FREM1: variants seen among roughly 807,000 people sequenced by gnomAD.
The protein encoded by FREM1 is FRAS1 related extracellular matrix 1, also known as FRAS1-related extracellular matrix protein 1.
In FREM1, 220 loss-of-function variants were observed where a neutral mutation model predicts 210.1. The ratio of observed to expected loss-of-function variants is 1.05; its 90% confidence interval spans 0.94 to 1.17. The LOEUF (loss-of-function observed/expected upper bound fraction) is 1.17. FREM1 is among the 50% of genes most tolerant of loss of function. The pLI is 0.00. For synonymous variants in FREM1, 1,189 were observed against 980.2 expected, an observed-to-expected ratio of 1.21 and a Z score of -3.98; for missense variants, 3,454 against 2,675.5, an observed-to-expected ratio of 1.29 and a Z score of -6.42.
In FREM1 at chr9:14,740,145, T is replaced by C. The variant is rs2131868012; in HGVS notation, c.6340+4A>G. 1.2e-6 allele frequency: 2 copies of C among 1,606,290 alleles called. No individual in the cohort carries two copies. Among genetic ancestry groups the C allele is most frequent in the Non-Finnish European group, 1.7e-6 (2 of 1,173,632 alleles). On this transcript the variant is annotated splice_donor_region_variant and intron_variant, in intron 36 of 36. Transcript: ENST00000380880. ...TCAGTGCAGCCTCCCTCCCAGATAC[T>C]TGCCTATCCAAAAGGACTTTCTCCC...
rs771969537 is a variant in FREM1, at chr9:14,842,536, G to A, written c.1518C>T (p.Ile506=). 7 of 1,613,998 alleles carry A rather than the reference G, an allele frequency of 4.3e-6. No homozygotes were observed. The Admixed American group carries it at 1.2e-4, about 27-fold the overall frequency. Residue 506 remains isoleucine, a synonymous_variant, in exon 9 of 37, where the codon ATC becomes ATT. Transcript: ENST00000380880. ...VFRIFDGHHS[I]RHKFPINVLP... ...AGACGTTGATGGGGAATTTGTGACG[G>A]ATGCTGTGATGGCCATCAAATATCC... is the stretch of plus-strand genomic sequence containing the variant.
rs1852659539 is a variant in FREM1, at chr9:14,797,529, G to C, written c.3808C>G (p.Pro1270Ala). Residue 1270 changes from proline (P) to alanine (A), a missense_variant, in exon 21 of 37, where the codon CCA (proline) becomes GCA (alanine). Pro to Ala is a conservative substitution (Grantham distance 27). Coordinates refer to ENST00000380880, the MANE Select transcript of FREM1 (RefSeq NM_001379081.2). ...AGCATTGGTTTTTCATCATTAACTGGGATGACCTCTACTGAAATGGTTTTA... is the reference window on the plus strand; with the variant it reads ...AGCATTGGTTTTTCATCATTAACTGCGATGACCTCTACTGAAATGGTTTTA... Reference protein sequence around the residue: ...ILKTISVEVIPVNDEKPMLSK... With the variant: ...ILKTISVEVIAVNDEKPMLSK... 1 of 1,610,344 alleles carries C rather than the reference G, an allele frequency of 6.2e-7. No individual in the cohort carries two copies. The highest frequency in any genetic ancestry group is 8.5e-7 in the Non-Finnish European group (1 of 1,178,026).
chr9:14,795,697 C>A (rs1852243955), intron 21 of FREM1, among the ~76,000 whole-genome samples: 2 of 152,080 alleles, frequency 1.3e-5, no homozygotes, highest in Admixed American at 1.3e-4. Context: ...TGAGTGGGTG[C>A]CTAGTGTAAG....
intron 20 of FREM1, among the ~76,000 whole-genome samples, chr9:14,800,310 G>A (rs1301088544): frequency 6.6e-6 from 1 of 152,126 alleles, no homozygotes; most frequent in African/African-American, 2.4e-5. Context: ...GGAGGGGGAA[G>A]GACCTTACAG....
At chr9:14,808,600 T>G (rs1458326689) in intron 16 of FREM1, among the ~76,000 whole-genome samples, 1 of 152,218 alleles carries the variant, frequency 6.6e-6, no homozygotes, top group East Asian at 1.9e-4. Flanking sequence ...GAAACGAGGA[T>G]GTTGAATAGG....
At chr9:14,784,282 G>T in intron 24 of FREM1, 88 bp downstream of exon 24, 2 of 1,175,916 alleles carry the variant, frequency 1.7e-6, no homozygotes, top group Non-Finnish European at 1.2e-6. Context: ...TTTGTGAAAT[G>T]GTTACTATAG....
chr9:14,904,566 T>C (rs1817357414), intron 1 of FREM1, among the ~76,000 whole-genome samples: 1 of 152,008 alleles, frequency 6.6e-6, no homozygotes, highest in East Asian at 1.9e-4. Flanking sequence ...TGTCTTCAGA[T>C]GTTTGAAGGG....
At chr9:14,867,041 G>A (rs898929558) in intron 2 of FREM1, among the ~76,000 whole-genome samples, 3 of 152,012 alleles carry the variant, frequency 2.0e-5, no homozygotes, top group Non-Finnish European at 2.9e-5. Context: ...TGTATTTTTA[G>A]TAGAGATGGA....
Position 14,759,881 on chromosome 9 carries a change from T to C in FREM1, c.5225A>G (p.His1742Arg), listed in dbSNP as rs778095368. Residue 1742 changes from histidine (H) to arginine (R), a missense_variant, in exon 28 of 37, where the codon CAT becomes CGT. Coordinates refer to ENST00000380880, the MANE Select transcript of FREM1 (RefSeq NM_001379081.2). ...ATATTCGGTCTGTGACCATTCAATA[T>C]GAGACCACTTCAGTTCCAAACTGTG... ...TPQILELKWS[H>R]IEWSQTEYEV... 3 of 1,611,682 alleles carry C rather than the reference T, an allele frequency of 1.9e-6. 1 individual carries two copies. In the South Asian group the frequency reaches 3.3e-5, roughly 18 times the overall value.
In FREM1 at chr9:14,816,649, C is replaced by T. The variant is rs1466735272; in HGVS notation, c.2640+129G>A. 4 of 445,528 alleles carry T rather than the reference C, an allele frequency of 9.0e-6. No homozygotes were observed. In the Admixed American group the frequency reaches 1.2e-4, roughly 14 times the overall value. The allele number at this position is 445,528 out of a possible 1,614,324, so 27.6% of individuals were successfully genotyped here. A position where few individuals can be genotyped will look rare whatever the true frequency, so the allele number is the denominator to read the frequency against. On this transcript the variant is annotated intron_variant, in intron 15 of 36. Coordinates refer to ENST00000380880, the MANE Select transcript of FREM1 (RefSeq NM_001379081.2). ...CTGGATGCAGCTACCCAATCTTAGA[C>T]TTCCCAGCCTCCAGAGTCATGAGCC... is the stretch of plus-strand genomic sequence containing the variant.
At chr9:14,898,530 T>G (rs1436753995) in intron 1 of FREM1, among the ~76,000 whole-genome samples, 1 of 152,084 alleles carries the variant, frequency 6.6e-6, no homozygotes, top group African/African-American at 2.4e-5. Flanking sequence ...TCACTTGAGG[T>G]CAGGAGTTCG....
intron 14 of FREM1, among the ~76,000 whole-genome samples, chr9:14,817,953 C>T (rs1189750967): frequency 6.6e-6 from 1 of 152,146 alleles, no homozygotes; most frequent in Admixed American, 6.6e-5. Flanking sequence ...CTAAAAGGAT[C>T]AAATGGCCCT....
intron 22 of FREM1, chr9:14,791,133 A>C (rs902088859): frequency 3.2e-4 from 48 of 152,314 alleles, no homozygotes; most frequent in African/African-American, 1.1e-3. Flanking sequence ...CTACCATTGA[A>C]ATAAACATTT....
intron 1 of FREM1, among the ~76,000 whole-genome samples, chr9:14,873,463 G>A (rs1203477351): frequency 6.6e-6 from 1 of 152,184 alleles, no homozygotes; most frequent in East Asian, 1.9e-4. Flanking sequence ...GTGTAGAGGT[G>A]TTTGCAGTAT....
chr9:14,813,863 T>G (rs2133594656), intron 15 of FREM1, among the ~76,000 whole-genome samples: 1 of 152,290 alleles, frequency 6.6e-6, no homozygotes, highest in South Asian at 2.1e-4. Flanking sequence ...ACCCTACACC[T>G]TCTTCCCTAA....
intron 35 of FREM1, among the ~76,000 whole-genome samples, chr9:14,744,500 T>C (rs1167890536): frequency 6.6e-6 from 1 of 152,116 alleles, no homozygotes; most frequent in Non-Finnish European, 1.5e-5. Flanking sequence ...ATAAGTATTC[T>C]TTTGTGTAGG....
chr9:14,857,622 A>C lies in FREM1; in HGVS notation c.759T>G (p.Pro253=), dbSNP rs1408118621. 4 of 1,613,740 alleles carry C rather than the reference A, an allele frequency of 2.5e-6. No individual in the cohort carries two copies. Among genetic ancestry groups the C allele is most frequent in the Non-Finnish European group, 3.4e-6 (4 of 1,179,838 alleles). ...TGGAGATATAATCAATGTTGGGTGA[A>C]GGGGGATCCAGATGCTGATAACGAA... The part of the protein sequence containing the change: ...MGLRYQHLDP[P]SPNIDYISIQ... Residue 253 remains proline (P), a synonymous_variant, in exon 5 of 37, where the codon CCT becomes CCG. Transcript: ENST00000380880.
At chr9:14,834,285 G>A (rs1824129334) in intron 10 of FREM1, among the ~76,000 whole-genome samples, 2 of 152,254 alleles carry the variant, frequency 1.3e-5, no homozygotes, top group South Asian at 2.1e-4. Context: ...GCCTTGAAAT[G>A]AAGTGCATGG....
chr9:14,767,031 A>G (rs1355080538), intron 27 of FREM1, among the ~76,000 whole-genome samples: 1 of 152,206 alleles, frequency 6.6e-6, no homozygotes, highest in Non-Finnish European at 1.5e-5. Context: ...ATGCTTTCAT[A>G]TACGTTACAC....
Sources: allele counts gnomAD v4.1 joint callset (sites outside exome capture counted in the v4.1 genomes callset), GRCh38; gene constraint gnomAD v4.1.1; transcripts MANE v1.5; gene names NCBI Gene and HGNC (gene_info 2026-07-23, HGNC 2026-07-21).